Variants in RBFOX1 observed in about 807,000 individuals in gnomAD.
The protein encoded by RBFOX1 is RNA binding fox-1 homolog 1.
A neutral mutation model predicts 57.7 loss-of-function variants in RBFOX1; 8 were observed. The ratio of observed to expected loss-of-function variants is 0.14; its 90% CI spans 0.08 to 0.25. The LOEUF (loss-of-function observed/expected upper bound fraction) is 0.25. RBFOX1 is among the 10% of genes least tolerant of loss of function. The probability of loss-of-function intolerance (pLI) is 1.00; values close to 1 mark genes in which losing one functional copy is unlikely to be tolerated. For synonymous variants in RBFOX1, 326 were observed against 222.4 expected (o/e 1.47, Z -4.15); for missense variants, 611 against 548.5 (o/e 1.11, Z -1.14).
At chr16:5,385,263 G>A (rs1436252784) in intron 1 of RBFOX1, among the ~76,000 whole-genome samples, 1 of 152,216 alleles carries the variant, frequency 6.6e-6, no homozygotes, top group African/African-American at 2.4e-5. Context: ...ATCCAGATGT[G>A]AAGCTACTCC....
chr16:7,678,379 C>T (rs2073924390), intron 14 of RBFOX1, among the ~76,000 whole-genome samples: 1 of 152,072 alleles, frequency 6.6e-6, no homozygotes, highest in African/African-American at 2.4e-5. Flanking sequence ...GATCATTCTA[C>T]AAAGGAAAAG....
At chr16:6,729,985 A>C (rs8049714) in intron 3 of RBFOX1, among the ~76,000 whole-genome samples, 137,738 of 152,084 alleles carry the variant, frequency 0.91, 64,004 homozygotes, top group East Asian at 1. Flanking sequence ...ACAAATGACT[A>C]TACTTGTTGA....
intron 5 of RBFOX1, among the ~76,000 whole-genome samples, chr16:7,520,021 G>C (rs2152229784): frequency 6.6e-6 from 1 of 152,182 alleles, no homozygotes; most frequent in African/African-American, 2.4e-5. Flanking sequence ...GAGTAGCTGG[G>C]ACTACAGGCA....
chr16:6,891,949 T>C (rs2065535995), intron 3 of RBFOX1, among the ~76,000 whole-genome samples: 1 of 152,202 alleles, frequency 6.6e-6, no homozygotes, highest in Non-Finnish European at 1.5e-5. Flanking sequence ...GAAGGAGCTG[T>C]GGCTGGTTGT....
At chr16:6,807,422 C>T (rs1040082064) in intron 3 of RBFOX1, among the ~76,000 whole-genome samples, 4 of 152,090 alleles carry the variant, frequency 2.6e-5, no homozygotes, top group African/African-American at 7.2e-5. Context: ...TGGTGCCATT[C>T]ACCTGGATGG....
chr16:5,983,033 C>G (rs888522616), intron 4 of RBFOX1, among the ~76,000 whole-genome samples: 3 of 152,198 alleles, frequency 2.0e-5, no homozygotes, highest in African/African-American at 7.2e-5. Flanking sequence ...CACAGACCGC[C>G]TCTAAGTCAT....
chr16:7,487,850 G>T (rs1241022734), intron 4 of RBFOX1, among the ~76,000 whole-genome samples: 3 of 152,136 alleles, frequency 2.0e-5, no homozygotes, highest in Non-Finnish European at 4.4e-5. Flanking sequence ...AAAAGCTGCA[G>T]CTTAATGAAG....
intron 4 of RBFOX1, among the ~76,000 whole-genome samples, chr16:7,321,224 A>C (rs1351460789): frequency 2.6e-5 from 4 of 152,038 alleles, no homozygotes; most frequent in Non-Finnish European, 4.4e-5. Flanking sequence ...ATCTCACTGC[A>C]ACCTCTGGCT....
In RBFOX1 at chr16:7,100,655, G is replaced by C. The variant is rs149427438; in HGVS notation, c.27+48557G>C. On this transcript the variant is annotated intron_variant, in intron 4 of 15. Transcript: ENST00000550418. Reference sequence around the variant, plus strand: ...TGGATGTCAGGTTTTTCTTGACATAGCCTGTGATAAATATTAATGAAATGA... The same window carrying C: ...TGGATGTCAGGTTTTTCTTGACATACCCTGTGATAAATATTAATGAAATGA... 5.8e-4 allele frequency among the ~76,000 whole-genome samples: 86 copies of C among 148,382 alleles called. No homozygotes were observed. In the East Asian group the frequency reaches 0.015, roughly 26 times the overall value.
intron 4 of RBFOX1, among the ~76,000 whole-genome samples, chr16:7,205,401 C>G (rs1255924859): frequency 2.0e-5 from 3 of 151,640 alleles, no homozygotes; most frequent in African/African-American, 2.4e-5. Flanking sequence ...TCCTGTAATC[C>G]CAGCTACTCG....
intron 2 of RBFOX1, among the ~76,000 whole-genome samples, chr16:5,572,203 G>A (rs188802619): frequency 3.3e-4 from 51 of 152,260 alleles, no homozygotes; most frequent in African/African-American, 1.2e-3. Flanking sequence ...ATCAGATAAG[G>A]GAGACTTATA....
intron 1 of RBFOX1, among the ~76,000 whole-genome samples, chr16:5,415,617 A>G (rs1038591601): frequency 6.6e-6 from 1 of 152,226 alleles, no homozygotes; most frequent in Admixed American, 6.5e-5. Flanking sequence ...CCTAGCCAGA[A>G]TTTAATACCA....
At chr16:5,362,728 C>A (rs112899802) in intron 1 of RBFOX1, among the ~76,000 whole-genome samples, 1 of 152,116 alleles carries the variant, frequency 6.6e-6, no homozygotes, top group Non-Finnish European at 1.5e-5. Context: ...CCCCGACAAC[C>A]ACCATTTTGC....
At chr16:5,387,706 T>G (rs2066294134) in intron 1 of RBFOX1, among the ~76,000 whole-genome samples, 1 of 152,236 alleles carries the variant, frequency 6.6e-6, no homozygotes, top group Non-Finnish European at 1.5e-5. Context: ...GAAATAATGT[T>G]TCCCTGATGA....
intron 1 of RBFOX1, among the ~76,000 whole-genome samples, chr16:6,151,197 G>A (rs2096794999): frequency 6.6e-6 from 1 of 152,050 alleles, no homozygotes; most frequent in Non-Finnish European, 1.5e-5. Flanking sequence ...ATCTATTTGG[G>A]GTGTTCTCCC....
intron 5 of RBFOX1, among the ~76,000 whole-genome samples, chr16:7,528,237 T>C (rs2079142263): frequency 6.6e-6 from 1 of 152,208 alleles, no homozygotes; most frequent in African/African-American, 2.4e-5. Flanking sequence ...TCTGACAAGT[T>C]TCATCGTGAC....
chr16:5,455,013 T>C (rs1303011374), intron 1 of RBFOX1, among the ~76,000 whole-genome samples: 4 of 115,866 alleles, frequency 3.5e-5, no homozygotes, highest in East Asian at 2.7e-4. Context: ...CTTTCTTTCT[T>C]TCTTTCTTTC....
intron 2 of RBFOX1, among the ~76,000 whole-genome samples, chr16:6,463,899 A>G (rs2094979044): frequency 6.6e-6 from 1 of 152,068 alleles, no homozygotes; most frequent in Admixed American, 6.6e-5. Context: ...GGTGTAATCA[A>G]TCCTGCAGGA....
chr16:6,466,567 T>C lies in RBFOX1; in HGVS notation c.-64+149510T>C, dbSNP rs75115449. ...TCTGATGCTTGCTGGGTTAAGACCA[T>C]TGGAGACACCCTCTCTCCTCTGTCC... On this transcript the variant is annotated intron_variant, in intron 2 of 15. Coordinates refer to ENST00000550418, the MANE Select transcript of RBFOX1 (RefSeq NM_018723.4). 5.7e-3 allele frequency among the ~76,000 whole-genome samples: 872 copies of C among 152,258 alleles called. 29 individuals are homozygous for C. In the East Asian group the frequency reaches 0.12, roughly 21 times the overall value.
Sources: allele counts gnomAD v4.1 joint callset (sites outside exome capture counted in the v4.1 genomes callset), GRCh38; gene constraint gnomAD v4.1.1; transcripts MANE v1.5; gene names NCBI Gene and HGNC (gene_info 2026-07-23, HGNC 2026-07-21).